The following PPP6R3 variants were observed in gnomAD, a reference collection of about 807,000 sequenced individuals.
PPP6R3 encodes the protein protein phosphatase 6 regulatory subunit 3, also known as serine/threonine-protein phosphatase 6 regulatory subunit 3.
In PPP6R3, 38 loss-of-function variants were observed where a neutral mutation model predicts 110.7. That is an observed-to-expected ratio of 0.34 (90% CI 0.26 to 0.45). The LOEUF is 0.45. Ranked by LOEUF, PPP6R3 falls within the 20% of genes least tolerant of loss-of-function variation. The pLI, the probability that PPP6R3 is intolerant of heterozygous loss-of-function variation, is 1.00. For missense variants in PPP6R3, 870 were observed against 1,062.4 expected (o/e 0.82, Z 2.52); for synonymous variants, 369 against 373.5 (o/e 0.99, Z 0.14).
chr11:68,600,467 C>G lies in PPP6R3; in HGVS notation c.2165C>G (p.Ser722Cys). 1.9e-6 allele frequency: 3 copies of G among 1,613,978 alleles called. No homozygotes were observed. Among genetic ancestry groups the G allele is most frequent in the Non-Finnish European group, 2.5e-6 (3 of 1,179,978 alleles). The part of the protein sequence containing the change: ...PMPTKETGWA[S>C]FSEFTSSLST... ...CCAACTAAAGAGACGGGCTGGGCTTCTTTTTCAGAGTTCACGTCTTCCCTG... is the reference window on the plus strand; with the variant it reads ...CCAACTAAAGAGACGGGCTGGGCTTGTTTTTCAGAGTTCACGTCTTCCCTG... Residue 722 changes from serine (S) to cysteine (C), a missense_variant, in exon 20 of 24, where the codon TCT (serine) becomes TGT (cysteine). Physicochemically the swap from Ser to Cys is moderately radical, Grantham distance 112. Coordinates refer to ENST00000393800, the MANE Select transcript of PPP6R3 (RefSeq NM_001164161.2).
chr11:68,571,250 T>C, intron 12 of PPP6R3, 146 bp downstream of exon 12: 1 of 1,152,372 alleles, frequency 8.7e-7, no homozygotes. Flanking sequence ...GATTATTTCA[T>C]TGTAACAGTT....
chr11:68,476,869 T>A (rs916997662), intron 1 of PPP6R3, among the ~76,000 whole-genome samples: 36 of 151,578 alleles, frequency 2.4e-4, no homozygotes, highest in Non-Finnish European at 4.7e-4. Context: ...ATATATATAT[T>A]TTTTTATTTA....
At chr11:68,533,701 T>C (rs2099253571) in intron 2 of PPP6R3, among the ~76,000 whole-genome samples, 4 of 74,908 alleles carry the variant, frequency 5.3e-5, no homozygotes, top group Non-Finnish European at 7.6e-5. Context: ...CAAGACCTTG[T>C]CTCAAAAAAA....
At chr11:68,512,697 A>G (rs1190567958) in intron 1 of PPP6R3, among the ~76,000 whole-genome samples, 1 of 152,176 alleles carries the variant, frequency 6.6e-6, no homozygotes, top group East Asian at 1.9e-4. Flanking sequence ...GAGTACCTAG[A>G]AACCTGGTGA....
chr11:68,572,158 T>C (rs1385593560), intron 12 of PPP6R3, among the ~76,000 whole-genome samples: 4 of 152,194 alleles, frequency 2.6e-5, no homozygotes, highest in Admixed American at 6.5e-5. Context: ...TGGAGCTCTT[T>C]GGAGATGCTG....
intron 1 of PPP6R3, among the ~76,000 whole-genome samples, chr11:68,461,789 C>A (rs1023465120): frequency 6.6e-6 from 1 of 152,132 alleles, no homozygotes; most frequent in African/African-American, 2.4e-5. Context: ...ATCCTCGCAG[C>A]ACTTGTTGAC....
At chr11:68,536,231 G>A (rs2099270205) in intron 2 of PPP6R3, among the ~76,000 whole-genome samples, 1 of 151,826 alleles carries the variant, frequency 6.6e-6, no homozygotes, top group Admixed American at 6.6e-5. Flanking sequence ...AAATCAGGAT[G>A]TATTCCTGTC....
intron 19 of PPP6R3, among the ~76,000 whole-genome samples, chr11:68,598,058 A>C (rs1302525566): frequency 1.3e-5 from 2 of 152,056 alleles, no homozygotes. Context: ...ATCCTAAACT[A>C]AAACTCTGTA....
chr11:68,568,947 G>C (rs1355434915), intron 10 of PPP6R3, among the ~76,000 whole-genome samples: 1 of 151,986 alleles, frequency 6.6e-6, no homozygotes, highest in East Asian at 1.9e-4. Context: ...TGTATTTTTA[G>C]TAGAGACGGG....
chr11:68,572,421 C>T (rs2099510996), intron 12 of PPP6R3, among the ~76,000 whole-genome samples: 1 of 152,136 alleles, frequency 6.6e-6, no homozygotes, highest in South Asian at 2.1e-4. Flanking sequence ...CTGTGGGTCA[C>T]CTTAGAGATG....
chr11:68,553,841 C>T (rs923756357), intron 6 of PPP6R3, among the ~76,000 whole-genome samples: 4 of 152,104 alleles, frequency 2.6e-5, no homozygotes, highest in African/African-American at 9.7e-5. Context: ...AATTTTGGAG[C>T]ATTTTCGATT....
intron 1 of PPP6R3, among the ~76,000 whole-genome samples, chr11:68,509,656 G>A (rs1328158877): frequency 1.3e-5 from 2 of 151,554 alleles, no homozygotes; most frequent in Non-Finnish European, 2.9e-5. Context: ...CTATCACCCA[G>A]GTTGGAGTGC....
chr11:68,602,045 A>G, intron 21 of PPP6R3, 76 bp downstream of exon 21: 2 of 1,210,258 alleles, frequency 1.7e-6, no homozygotes, highest in South Asian at 1.4e-5. Context: ...TCTCAGGCTC[A>G]GGGGCTAGTG....
intron 14 of PPP6R3, among the ~76,000 whole-genome samples, chr11:68,581,789 C>T (rs529100107): frequency 6.6e-6 from 1 of 152,342 alleles, no homozygotes; most frequent in African/African-American, 2.4e-5. Flanking sequence ...TCCTTGATCA[C>T]GGAATCTACC....
intron 5 of PPP6R3, among the ~76,000 whole-genome samples, chr11:68,550,157 C>T (rs139384784): frequency 3.9e-5 from 6 of 152,298 alleles, no homozygotes; most frequent in African/African-American, 1.4e-4. Flanking sequence ...GAACAAGATT[C>T]TCGGAGAATT....
At chr11:68,556,454 T>G (rs1208965633) in intron 7 of PPP6R3, among the ~76,000 whole-genome samples, 1 of 151,976 alleles carries the variant, frequency 6.6e-6, no homozygotes. Flanking sequence ...ATCTGAATTC[T>G]TGATACTAAT....
chr11:68,518,074 T>A (rs2099145839), intron 1 of PPP6R3, among the ~76,000 whole-genome samples: 4 of 152,142 alleles, frequency 2.6e-5, no homozygotes, highest in African/African-American at 9.7e-5. Context: ...CTCAAAAACC[T>A]CATCATTTTC....
chr11:68,614,321 T>G lies in PPP6R3; in HGVS notation c.*1204T>G. 1 of 1,082,152 alleles carries G rather than the reference T, an allele frequency of 9.2e-7. No homozygotes were observed. The highest frequency in any genetic ancestry group is 1.1e-6 in the Non-Finnish European group (1 of 890,832). 67.0% of individuals were successfully genotyped at this position (1,082,152 alleles called of 1,614,324 possible). ...GTCAATACAAAAATACATCACAGCC[T>G]TCTCAAACAGCTCAAGCAATATATT... On this transcript the variant is annotated 3_prime_UTR_variant, in exon 24 of 24. Transcript: ENST00000393800.
At chr11:68,547,381 A>G (rs558031782) in intron 4 of PPP6R3, among the ~76,000 whole-genome samples, 2 of 152,332 alleles carry the variant, frequency 1.3e-5, no homozygotes, top group South Asian at 4.1e-4. Context: ...AGAGGCAACA[A>G]GGCTGTATGG....
Sources: gnomAD v4.1 joint callset for allele counts (sites outside exome capture counted in the v4.1 genomes callset) on GRCh38, gnomAD v4.1.1 for gene constraint, MANE v1.5 for transcripts, NCBI Gene and HGNC (gene_info 2026-07-23, HGNC 2026-07-21) for gene names.